The following MYOF variants were observed in gnomAD, a reference collection of about 807,000 sequenced individuals.
The protein encoded by MYOF is myoferlin.
Under a neutral mutation model 284.2 loss-of-function variants are expected in MYOF, and 244 were observed. The observed-to-expected ratio is 0.86, with a 90% CI of 0.77 to 0.95. The LOEUF is 0.95. MYOF is among the 40% of genes least tolerant of loss of function. The probability of loss-of-function intolerance (pLI) is 0.00; values close to 1 mark genes in which losing one functional copy is unlikely to be tolerated. For missense variants in MYOF, 2,496 were observed against 2,560.6 expected, an observed-to-expected ratio of 0.97 and a Z score of 0.54; for synonymous variants, 904 against 919.7, an observed-to-expected ratio of 0.98 and a Z score of 0.31.
At chr10:93,358,884 T>C (rs147229585) in intron 29 of MYOF, among the ~76,000 whole-genome samples, 226 of 152,058 alleles carry the variant, frequency 1.5e-3, no homozygotes, top group African/African-American at 5.1e-3. Context: ...CAAACCACCA[T>C]GGCACACATT....
At chr10:93,369,971 T>C (rs1018506669) in intron 24 of MYOF, among the ~76,000 whole-genome samples, 195 bp from the exon 25 acceptor site, 44 of 152,234 alleles carry the variant, frequency 2.9e-4, no homozygotes, top group African/African-American at 1.0e-3. Context: ...GATCTCACAG[T>C]GTGATCCATA....
chr10:93,455,899 G>A (rs1161981441), intron 2 of MYOF, among the ~76,000 whole-genome samples: 1 of 152,076 alleles, frequency 6.6e-6, no homozygotes, highest in African/African-American at 2.4e-5. Flanking sequence ...TGAATAATTG[G>A]GTGGTTTAAA....
chr10:93,320,007 A>C lies in MYOF; in HGVS notation c.5463T>G (p.Ile1821Met), dbSNP rs367559861. The C allele has an allele frequency of 1.9e-6, 3 of 1,614,192 alleles. No individual in the cohort carries two copies. The South Asian group carries it at 3.3e-5, about 18-fold the overall frequency. Reference sequence around the variant, plus strand: ...TCTGTTTGTTTTCTTCATTGCCAGGAATCCAGCTGAAAGGCAGAGGCAAAC... The same window carrying C: ...TCTGTTTGTTTTCTTCATTGCCAGGCATCCAGCTGAAAGGCAGAGGCAAAC... ...EMSDIYVKGWIPGNEENKQKT... is the reference protein window; with the variant it reads ...EMSDIYVKGWMPGNEENKQKT... Residue 1821 changes from isoleucine (I) to methionine (M), a missense_variant, in exon 49 of 54, where the codon ATT becomes ATG. Ile to Met is a conservative substitution (Grantham distance 10). Around this residue, in one of 3 missense-constraint regions of MYOF, gnomAD observed 2,436 missense variants for 2,480.7 expected, o/e 0.98. Transcript: ENST00000359263.
At chr10:93,430,581 CAAA>C (rs747001393) in intron 4 of MYOF, among the ~76,000 whole-genome samples, 15 of 86,144 alleles carry the variant, frequency 1.7e-4, no homozygotes, top group Admixed American at 2.7e-4. Context: ...GACTCCATCT[CAAA>C]AAAAAAAAAA....
At chr10:93,382,379 C>T (rs1273376062) in intron 19 of MYOF, among the ~76,000 whole-genome samples, 2 of 152,020 alleles carry the variant, frequency 1.3e-5, no homozygotes, top group Admixed American at 6.6e-5. Flanking sequence ...ACTACAGGTG[C>T]GTGCCACTGC....
intron 5 of MYOF, among the ~76,000 whole-genome samples, chr10:93,413,193 G>C (rs1366470309): frequency 6.6e-6 from 1 of 152,160 alleles, no homozygotes; most frequent in African/African-American, 2.4e-5. Flanking sequence ...ATTCTCAGTG[G>C]ATGCTCTAGA....
At chr10:93,451,910 G>A (rs2056601059) in intron 3 of MYOF, 140 bp downstream of exon 3, 11 of 698,878 alleles carry the variant, frequency 1.6e-5, no homozygotes, top group Non-Finnish European at 2.7e-5. Flanking sequence ...TATTGGCTTA[G>A]AAGGGAGCGG....
intron 25 of MYOF, among the ~76,000 whole-genome samples, chr10:93,367,237 A>G (rs1845368034): frequency 6.6e-6 from 1 of 152,196 alleles, no homozygotes; most frequent in Non-Finnish European, 1.5e-5. Context: ...CCAAGTTAGA[A>G]TCTATAAATC....
intron 1 of MYOF, among the ~76,000 whole-genome samples, chr10:93,479,332 T>C (rs1302365049): frequency 6.6e-6 from 1 of 152,066 alleles, no homozygotes; most frequent in East Asian, 1.9e-4. Context: ...CACTCCACAC[T>C]ATGAAGTGTG....
intron 18 of MYOF, among the ~76,000 whole-genome samples, chr10:93,388,724 G>A (rs1157404557): frequency 6.6e-6 from 1 of 152,210 alleles, no homozygotes; most frequent in Non-Finnish European, 1.5e-5. Flanking sequence ...GCATGCCACT[G>A]CCTAGTGCTT....
chr10:93,482,204 C>G lies in MYOF; in HGVS notation c.-10G>C, dbSNP rs377235832. 6.2e-7 allele frequency: 1 copy of G among 1,610,262 alleles called. No individual in the cohort carries two copies. Among genetic ancestry groups the G allele is most frequent in the East Asian group, 2.2e-5 (1 of 44,702 alleles). On this transcript the variant is annotated 5_prime_UTR_variant, in exon 1 of 54. Coordinates refer to ENST00000359263, the MANE Select transcript of MYOF (RefSeq NM_013451.4). ...CAATCACTCGCAGCATGGTTCTTAG[C>G]TGGTAGAAAGCAAGTTTCAGCAAAC... is the stretch of plus-strand genomic sequence containing the variant.
intron 49 of MYOF, among the ~76,000 whole-genome samples, chr10:93,318,913 G>C (rs940326483): frequency 2.6e-5 from 4 of 152,158 alleles, no homozygotes; most frequent in Non-Finnish European, 4.4e-5. Context: ...AATGGAACAG[G>C]GCACCTATAG....
intron 50 of MYOF, among the ~76,000 whole-genome samples, chr10:93,315,263 C>T (rs1273362529): frequency 1.3e-5 from 2 of 152,228 alleles, no homozygotes; most frequent in African/African-American, 2.4e-5. Flanking sequence ...CTGGAAGCAG[C>T]GTGGAAACAG....
At chr10:93,463,467 T>C (rs895403937) in intron 1 of MYOF, among the ~76,000 whole-genome samples, 45 of 139,226 alleles carry the variant, frequency 3.2e-4, no homozygotes, top group African/African-American at 1.2e-3. Context: ...TGGTGCAATC[T>C]TGGCTCATTG....
At chr10:93,332,611 C>T (rs137941880) in intron 43 of MYOF, among the ~76,000 whole-genome samples, 7 of 151,488 alleles carry the variant, frequency 4.6e-5, no homozygotes, top group Non-Finnish European at 1.0e-4. Flanking sequence ...TTTGGGAGGG[C>T]GAGGCGGGCA....
intron 39 of MYOF, among the ~76,000 whole-genome samples, chr10:93,339,915 T>A (rs1227318557): frequency 1.3e-5 from 2 of 151,932 alleles, no homozygotes; most frequent in Non-Finnish European, 2.9e-5. Flanking sequence ...CCGTCTCTAC[T>A]AAAAATACAA....
chr10:93,353,813 G>A lies in MYOF; in HGVS notation c.3479C>T (p.Ser1160Leu). The A allele has an allele frequency of 6.2e-7, 1 of 1,604,728 alleles. No homozygotes were observed. The highest frequency in any genetic ancestry group is 8.5e-7 in the Non-Finnish European group (1 of 1,174,718). The change falls in exon 32 of 54, where the codon TCA becomes TTA. Residue 1160 changes from serine (S) to leucine (L), a missense_variant and splice_region_variant. This residue lies in a region of MYOF where 2,436 missense variants were observed against 2,480.7 expected (regional missense o/e 0.98). Transcript: ENST00000359263. The part of the protein sequence containing the change: ...NLLALDKDSF[S>L]DPYAHICFLH... ...CATGTAGATTTTTTTTCCTTTACCT[G>A]AAAAGCTATCCTTATCTAAAGCCAA...
In MYOF at chr10:93,409,611, T is replaced by C; in HGVS notation, c.562A>G (p.Ser188Gly). 4 of 1,614,196 alleles carry C rather than the reference T, an allele frequency of 2.5e-6. No individual in the cohort carries two copies. Among genetic ancestry groups the C allele is most frequent in the Non-Finnish European group, 3.4e-6 (4 of 1,180,044 alleles). Residue 188 changes from serine to glycine, a missense_variant, in exon 6 of 54, where the codon AGC becomes GGC. Around this residue, in one of 3 missense-constraint regions of MYOF, gnomAD observed 2,436 missense variants for 2,480.7 expected, o/e 0.98. Coordinates refer to ENST00000359263, the MANE Select transcript of MYOF (RefSeq NM_013451.4). ...LARRLTKVKN[S>G]RRMLSNKPQD... is the part of the protein sequence containing the mutation. ...GGCTTATTTGACAGCATCCGCCGGC[T>C]GTTCTTTACTTTGGTGAGCCTCCGA... is the stretch of plus-strand genomic sequence containing the variant.
intron 49 of MYOF, among the ~76,000 whole-genome samples, chr10:93,318,035 C>T (rs184404962): frequency 6.8e-4 from 103 of 152,154 alleles, no homozygotes; most frequent in African/African-American, 2.3e-3. Context: ...GGAGGTCTGG[C>T]CCTAGATGTG....
Sources: gnomAD v4.1 joint callset for allele counts (sites outside exome capture counted in the v4.1 genomes callset) on GRCh38, gnomAD v4.1.1 for gene constraint, gnomAD v4.1.1 regional missense constraint, MANE v1.5 for transcripts, NCBI Gene and HGNC (gene_info 2026-07-23, HGNC 2026-07-21) for gene names.